The following SUMF1 variants were observed in gnomAD, a reference collection of about 807,000 sequenced individuals.
SUMF1 encodes the protein formylglycine-generating enzyme.
SUMF1 carries 48 observed loss-of-function variants against 47.6 expected under a neutral mutation model. The observed-to-expected ratio is 1.01, with a 90% confidence interval of 0.80 to 1.28. The LOEUF is 1.28. Among genes scored for constraint, SUMF1 ranks in the 50% most tolerant of loss-of-function variants. SUMF1 has a pLI of 0.00. For missense variants in SUMF1, 571 were observed against 485.4 expected, an observed-to-expected ratio of 1.18 and a Z score of -1.66; for synonymous variants, 230 against 192.1, an observed-to-expected ratio of 1.20 and a Z score of -1.63.
chr3:4,210,991 A>G (rs911632274), intron 8 of SUMF1, among the ~76,000 whole-genome samples: 5 of 149,126 alleles, frequency 3.4e-5, no homozygotes, highest in Non-Finnish European at 7.4e-5. Context: ...TCAAACATCA[A>G]CTCCAAGTTC....
downstream of SUMF1, among the ~76,000 whole-genome samples, chr3:4,356,882 C>A (rs554206524): frequency 1.7e-4 from 26 of 152,318 alleles, no homozygotes; most frequent in African/African-American, 5.5e-4. Context: ...CTCGCTCATG[C>A]CCAGCCTGCT....
At chr3:4,138,342 G>A (rs1693992917) in intron 8 of SUMF1, among the ~76,000 whole-genome samples, 1 of 152,084 alleles carries the variant, frequency 6.6e-6, no homozygotes, top group Non-Finnish European at 1.5e-5. Flanking sequence ...ACATCTCTGG[G>A]ATGTCCTGCC....
At chr3:4,461,854 A>T (rs1301889596) in intron 1 of SUMF1, among the ~76,000 whole-genome samples, 1 of 152,198 alleles carries the variant, frequency 6.6e-6, no homozygotes, top group Non-Finnish European at 1.5e-5. Flanking sequence ...AAAGCCACAT[A>T]AAAAGGACCA....
In SUMF1 at chr3:4,150,472, T is replaced by C. The variant is rs149803407; in HGVS notation, c.1015-81727A>G. 2.8e-3 allele frequency among the ~76,000 whole-genome samples: 428 copies of C among 150,942 alleles called. 19 individuals carry two copies. Among genetic ancestry groups the C allele is most frequent in the African/African-American group, 9.8e-3 (397 of 40,556 alleles). ...AGCTACTTGGGAGGCTAAGGCAGGA[T>C]AATTGCTTGAACCGGGGAGGCGGAG... On this transcript the variant is annotated intron_variant and NMD_transcript_variant, in intron 8 of 12. Coordinates refer to the SUMF1 transcript ENST00000448413.
chr3:4,277,400 T>G (rs890367064), intron 8 of SUMF1, among the ~76,000 whole-genome samples: 1 of 152,056 alleles, frequency 6.6e-6, no homozygotes, highest in African/African-American at 2.4e-5. Flanking sequence ...CACTTACAAC[T>G]ATTTGGATCA....
At position 4,255,139 on chromosome 3, in the gene SUMF1, G is replaced by A. The variant is rs1036229192; in HGVS notation, c.1014+121191C>T. Among the ~76,000 whole-genome samples the A allele has an allele frequency of 1.1e-4, 16 of 149,914 alleles. No homozygotes were observed. In the East Asian group the frequency reaches 1.4e-3, roughly 13 times the overall value. On this transcript the variant is annotated intron_variant and NMD_transcript_variant, in intron 8 of 12. Coordinates refer to the SUMF1 transcript ENST00000448413. The stretch of plus-strand genomic sequence containing the variant: ...GCACTAAACATGGAAAGGAACAATC[G>A]GTACCAGCCGCTGCAAAATCATGCC...
chr3:4,419,371 A>T (rs1701818788), intron 4 of SUMF1, among the ~76,000 whole-genome samples: 1 of 152,252 alleles, frequency 6.6e-6, no homozygotes, highest in Non-Finnish European at 1.5e-5. Flanking sequence ...CAATAAGGGC[A>T]ATAACCAGGA....
intron 8 of SUMF1, among the ~76,000 whole-genome samples, chr3:4,281,793 G>A (rs1697535278): frequency 6.6e-6 from 1 of 152,056 alleles, no homozygotes; most frequent in Non-Finnish European, 1.5e-5. Context: ...TAGAGTGGAA[G>A]GAGTACAGAA....
chr3:4,461,627 G>GTT (rs900322043), intron 1 of SUMF1, among the ~76,000 whole-genome samples: 1 of 146,382 alleles, frequency 6.8e-6, no homozygotes, highest in Non-Finnish European at 1.5e-5. Context: ...TTCCGGCCGA[G>GTT]TTTTTTTTTT....
At chr3:4,298,138 C>CAAA (rs1697891070) in intron 8 of SUMF1, among the ~76,000 whole-genome samples, 2 of 152,016 alleles carry the variant, frequency 1.3e-5, no homozygotes, top group Non-Finnish European at 1.5e-5. Context: ...GTTCCAAAAC[C>CAAA]TGTTTATGGA....
intron 8 of SUMF1, among the ~76,000 whole-genome samples, chr3:4,254,793 A>G (rs1371911314): frequency 6.7e-6 from 1 of 149,796 alleles, no homozygotes; most frequent in East Asian, 2.0e-4. Flanking sequence ...GAGAAGAGCA[A>G]CTCCAAGACA....
At chr3:4,300,962 A>C (rs933149809) in intron 8 of SUMF1, among the ~76,000 whole-genome samples, 7 of 151,864 alleles carry the variant, frequency 4.6e-5, no homozygotes, top group Non-Finnish European at 1.5e-5. Flanking sequence ...AAAATCATTT[A>C]AGTTAAAACA....
chr3:4,129,798 G>A (rs191416403), intron 8 of SUMF1, among the ~76,000 whole-genome samples: 4 of 152,234 alleles, frequency 2.6e-5, no homozygotes, highest in African/African-American at 7.2e-5. Flanking sequence ...GGCTTATGGA[G>A]CTTAGGTAAT....
intron 8 of SUMF1, among the ~76,000 whole-genome samples, chr3:4,237,877 C>T: frequency 6.6e-6 from 1 of 152,078 alleles, no homozygotes; most frequent in Non-Finnish European, 1.5e-5. Flanking sequence ...ATTTGCTGCA[C>T]CCATCAACTC....
At chr3:4,340,032 C>T (rs778452532) in intron 8 of SUMF1, among the ~76,000 whole-genome samples, 5 of 152,032 alleles carry the variant, frequency 3.3e-5, no homozygotes, top group Admixed American at 6.6e-5. Flanking sequence ...GAGCCAAGAT[C>T]GCACCACTGC....
intron 8 of SUMF1, among the ~76,000 whole-genome samples, chr3:4,167,716 C>A: frequency 6.6e-6 from 1 of 152,144 alleles, no homozygotes; most frequent in East Asian, 1.9e-4. Context: ...GACAATACAC[C>A]CTGCCTATTT....
chr3:4,341,981 C>T (rs1575112613), intron 8 of SUMF1, among the ~76,000 whole-genome samples: 1 of 152,278 alleles, frequency 6.6e-6, no homozygotes, highest in African/African-American at 2.4e-5. Context: ...TAGCACGAAT[C>T]CAATTTGATT....
At chr3:4,245,461 C>G (rs1184145826) in intron 8 of SUMF1, among the ~76,000 whole-genome samples, 1 of 152,114 alleles carries the variant, frequency 6.6e-6, no homozygotes, top group Non-Finnish European at 1.5e-5. Flanking sequence ...CTATTCCTTT[C>G]TGTTTGTTAG....
chr3:4,260,924 C>A (rs1332442960), intron 8 of SUMF1, among the ~76,000 whole-genome samples: 3 of 152,114 alleles, frequency 2.0e-5, no homozygotes, highest in African/African-American at 7.2e-5. Flanking sequence ...CTCCTGCAGA[C>A]CTCCCAGGAA....
Sources: gnomAD v4.1 joint callset for allele counts (sites outside exome capture counted in the v4.1 genomes callset) on GRCh38, gnomAD v4.1.1 for gene constraint, MANE v1.5 for transcripts, NCBI Gene and HGNC (gene_info 2026-07-23, HGNC 2026-07-21) for gene names.